ATP6V0A1: variants seen among roughly 807,000 people sequenced by gnomAD.
The protein encoded by ATP6V0A1 is V-type proton ATPase 116 kDa subunit a 1.
ATP6V0A1 carries 43 observed loss-of-function variants against 105.4 expected under a neutral mutation model. The ratio of observed to expected loss-of-function variants is 0.41; its 90% CI spans 0.32 to 0.53. The LOEUF is 0.53. ATP6V0A1 is among the 20% of genes least tolerant of loss of function. The pLI, the probability that ATP6V0A1 is intolerant of heterozygous loss-of-function variation, is 0.30. For missense variants in ATP6V0A1, 676 were observed against 1,051.1 expected (o/e 0.64, Z 4.93); for synonymous variants, 362 against 372.8 (o/e 0.97, Z 0.33).
chr17:42,507,364 G>T, intron 17 of ATP6V0A1, 156 bp from the exon 18 acceptor site: 1 of 583,574 alleles, frequency 1.7e-6, no homozygotes, highest in East Asian at 3.0e-5. Context: ...TGGAACAGTT[G>T]TTTGATTTTA....
chr17:42,500,952 A>G, intron 16 of ATP6V0A1, 29 bp downstream of exon 16: 1 of 1,585,498 alleles, frequency 6.3e-7, no homozygotes, highest in South Asian at 1.1e-5. Flanking sequence ...AGACTGTCTG[A>G]GATGATTATA....
intron 21 of ATP6V0A1, among the ~76,000 whole-genome samples, chr17:42,515,921 C>T (rs1351154626): frequency 2.6e-5 from 4 of 152,294 alleles, no homozygotes; most frequent in Middle Eastern, 3.4e-3. Context: ...GCTGTTCCAC[C>T]TCAGACTCCA....
intron 2 of ATP6V0A1, among the ~76,000 whole-genome samples, chr17:42,465,283 C>T (rs976123277): frequency 1.3e-5 from 2 of 150,934 alleles, no homozygotes; most frequent in Non-Finnish European, 1.5e-5. Context: ...CGTGAGCCAC[C>T]GCATCCGGCC....
At position 42,506,665 on chromosome 17, in the gene ATP6V0A1, T is replaced by G. The variant is rs535374923; in HGVS notation, c.2005-855T>G. On this transcript the variant is annotated intron_variant, in intron 17 of 21. Transcript: ENST00000343619. ...CACGCTGTGGCAGGTTAGCACTAATTGGGATCTGTGAGACTTAACTCATTT... is the reference window on the plus strand; with the variant it reads ...CACGCTGTGGCAGGTTAGCACTAATGGGGATCTGTGAGACTTAACTCATTT... Among the ~76,000 whole-genome samples the G allele has an allele frequency of 2.6e-5, 4 of 152,368 alleles. No homozygotes were observed. The South Asian group carries it at 8.3e-4, about 32-fold the overall frequency.
chr17:42,515,447 C>A (rs2092574020), intron 21 of ATP6V0A1, among the ~76,000 whole-genome samples: 1 of 131,000 alleles, frequency 7.6e-6, no homozygotes, highest in South Asian at 2.5e-4. Flanking sequence ...CCAGCCTGGG[C>A]AACAGAGCGA....
At chr17:42,481,280 G>C (rs2145856029) in intron 8 of ATP6V0A1, 1 of 151,258 alleles carries the variant, frequency 6.6e-6, no homozygotes, top group South Asian at 2.1e-4. Flanking sequence ...GGAGTACGAT[G>C]GTGCGATCTT....
intron 17 of ATP6V0A1, 166 bp from the exon 18 acceptor site, chr17:42,507,354 T>G (rs1029300557): frequency 5.4e-6 from 3 of 558,338 alleles, no homozygotes; most frequent in African/African-American, 3.8e-5. Flanking sequence ...GTGGTTGGGG[T>G]GGAACAGTTG....
At chr17:42,482,173 G>A (rs1030636738) in intron 8 of ATP6V0A1, among the ~76,000 whole-genome samples, 1 of 151,898 alleles carries the variant, frequency 6.6e-6, no homozygotes, top group African/African-American at 2.4e-5. Flanking sequence ...TTGAGGCAGG[G>A]TCTCACTCTG....
chr17:42,520,244 T>C lies in ATP6V0A1; in HGVS notation c.2421-783T>C, dbSNP rs551223222. On this transcript the variant is annotated intron_variant, in intron 21 of 21. Transcript: ENST00000343619. ...CCCTGAATCATGCATTTTTCTGCCCTTATTTGGTGTGGTTTGGTTGCTGGG... is the reference window on the plus strand; with the variant it reads ...CCCTGAATCATGCATTTTTCTGCCCCTATTTGGTGTGGTTTGGTTGCTGGG... 363 of 356,880 alleles carry C rather than the reference T, an allele frequency of 1.0e-3. 2 individuals are homozygous for C. The highest frequency in any genetic ancestry group is 7.0e-3 in the African/African-American group (329 of 46,806). 22.1% of individuals were successfully genotyped at this position (356,880 alleles called of 1,614,324 possible). A position where few individuals can be genotyped will look rare whatever the true frequency, so the allele number is the denominator to read the frequency against.
chr17:42,501,168 T>C (rs1464504277), intron 16 of ATP6V0A1, 29 bp from the exon 17 acceptor site: 1 of 1,559,840 alleles, frequency 6.4e-7, no homozygotes, highest in Non-Finnish European at 8.8e-7. Flanking sequence ...TTTTATATGA[T>C]GTACCTTGTC....
intron 5 of ATP6V0A1, among the ~76,000 whole-genome samples, chr17:42,474,688 T>A (rs145184379): frequency 2.6e-5 from 4 of 152,220 alleles, no homozygotes; most frequent in African/African-American, 9.6e-5. Flanking sequence ...GAAATTATAA[T>A]ATTTGCAAAG....
At chr17:42,512,311 A>G (rs1161647517) in intron 19 of ATP6V0A1, among the ~76,000 whole-genome samples, 2 of 152,150 alleles carry the variant, frequency 1.3e-5, no homozygotes, top group Admixed American at 6.5e-5. Flanking sequence ...GGTGGGAGAA[A>G]CTTGAGGTAG....
At chr17:42,488,892 G>A (rs564390280) in intron 10 of ATP6V0A1, among the ~76,000 whole-genome samples, 1 of 151,484 alleles carries the variant, frequency 6.6e-6, no homozygotes, top group Admixed American at 6.6e-5. Context: ...GTGGGTGCCT[G>A]TGATCCCAGC....
At chr17:42,489,154 C>T (rs72826906) in intron 10 of ATP6V0A1, among the ~76,000 whole-genome samples, 45,784 of 149,318 alleles carry the variant, frequency 0.31, 8,786 homozygotes, top group East Asian at 0.57. Context: ...CTCACTGCAA[C>T]CTCCACCCTC....
chr17:42,508,597 G>A lies in ATP6V0A1; in HGVS notation c.2130+8G>A. 3.7e-6 allele frequency: 6 copies of A among 1,614,018 alleles called. No individual in the cohort carries two copies. Among genetic ancestry groups the A allele is most frequent in the Non-Finnish European group, 5.1e-6 (6 of 1,179,906 alleles). ...CCTTCCGAGGACGAAGTGGTAAGAT[G>A]AAAGCTGGCGTTGCCTTCGTGTTTA... On this transcript the variant is annotated splice_region_variant and intron_variant, in intron 19 of 21. Coordinates refer to ENST00000343619, the MANE Select transcript of ATP6V0A1 (RefSeq NM_001130021.3).
intron 18 of ATP6V0A1, 61 bp from the exon 19 acceptor site, chr17:42,508,511 C>A: frequency 6.2e-7 from 1 of 1,605,810 alleles, no homozygotes; most frequent in East Asian, 2.2e-5. Context: ...GCCTTGTGCT[C>A]CTAACTTGTG....
At chr17:42,509,122 TG>T (rs772095785) in intron 19 of ATP6V0A1, among the ~76,000 whole-genome samples, 13 of 152,048 alleles carry the variant, frequency 8.5e-5, no homozygotes, top group Non-Finnish European at 1.5e-4. Context: ...TACCTCCATG[TG>T]ACCCAGGTGA....
At position 42,470,193 on chromosome 17, in the gene ATP6V0A1, G is replaced by A. The variant is rs1269274593; in HGVS notation, c.398G>A (p.Arg133His). Residue 133 changes from arginine to histidine, a missense_variant, in exon 5 of 22, where the codon CGC (arginine) becomes CAC (histidine). By Grantham distance (29) the Arg-to-His change is conservative (BLOSUM62 0). This residue lies in a region of ATP6V0A1 where 239 missense variants were observed against 388.4 expected (regional missense o/e 0.62). Coordinates refer to ENST00000343619, the MANE Select transcript of ATP6V0A1 (RefSeq NM_001130021.3). ...CTGACCGAATTAAAATTTATACTTC[G>A]CAAAACTCAGCAATTTTTTGATGAG... is the stretch of plus-strand genomic sequence containing the variant. ...LELTELKFIL[R>H]KTQQFFDEMA... 6.2e-7 allele frequency: 1 copy of A among 1,612,838 alleles called. No homozygotes were observed. The highest frequency in any genetic ancestry group is 8.5e-7 in the Non-Finnish European group (1 of 1,179,456).
rs376312787 is a variant in ATP6V0A1 at position 42,513,884 on chromosome 17, C to T, written c.2154C>T (p.Val718=). ...DEVFDFGDTM[V]HQAIHTIEYC... ...AGTTTGACTTTGGGGACACCATGGT[C>T]CACCAGGCCATCCACACCATCGAGT... The change falls in exon 20 of 22, where the codon GTC becomes GTT. Residue 718 remains valine, a synonymous_variant. Transcript: ENST00000343619. 1.5e-5 allele frequency: 25 copies of T among 1,614,022 alleles called. No homozygotes were observed. The highest frequency in any genetic ancestry group is 2.0e-5 in the Non-Finnish European group (24 of 1,180,008).
Sources: allele counts gnomAD v4.1 joint callset (sites outside exome capture counted in the v4.1 genomes callset), GRCh38; gene constraint gnomAD v4.1.1; regional missense constraint gnomAD v4.1.1; transcripts MANE v1.5; gene names NCBI Gene and HGNC (gene_info 2026-07-23, HGNC 2026-07-21).